Variants in EPHA8 observed in about 807,000 individuals in gnomAD.
EPHA8 encodes ephrin type-A receptor 8.
A neutral mutation model predicts 103.6 loss-of-function variants in EPHA8; 58 were observed. That is an observed-to-expected ratio of 0.56 (90% CI 0.45 to 0.70). The LOEUF (loss-of-function observed/expected upper bound fraction) is 0.70, where lower values mean the gene tolerates loss of function less well. EPHA8 is among the 30% of genes least tolerant of loss of function. EPHA8 has a pLI of 0.00. For synonymous variants in EPHA8, 559 were observed against 572.5 expected, an observed-to-expected ratio of 0.98 and a Z score of 0.34; for missense variants, 1,304 against 1,395.2, an observed-to-expected ratio of 0.93 and a Z score of 1.04.
At position 22,601,855 on chromosome 1, in the gene EPHA8, C is replaced by T. The variant is rs189282518; in HGVS notation, c.*114C>T. The T allele has an allele frequency of 1.1e-3, 1,180 of 1,028,264 alleles. 8 individuals carry two copies. In the African/African-American group the frequency reaches 0.016, roughly 14 times the overall value. The allele number at this position is 1,028,264 out of a possible 1,614,324, so 63.7% of individuals were successfully genotyped here. ...CGGCCCCAGGCCTCTGCCCTCCTCT[C>T]AGGTGCTGGAGGAGCTGAAGGCTTC... On this transcript the variant is annotated 3_prime_UTR_variant, in exon 17 of 17. Coordinates refer to ENST00000166244, the MANE Select transcript of EPHA8 (RefSeq NM_020526.5).
Position 22,576,966 on chromosome 1 carries a change from G to A in EPHA8, c.823+86G>A, listed in dbSNP as rs1640726221. 7.0e-7 allele frequency: 1 copy of A among 1,427,926 alleles called. No individual in the cohort carries two copies. Among genetic ancestry groups the A allele is most frequent in the Non-Finnish European group, 9.3e-7 (1 of 1,076,624 alleles). The allele number at this position is 1,427,926 out of a possible 1,614,324, so 88.5% of individuals were successfully genotyped here. ...TGCCAGGGTGTAAGGGGGGACGTCAGAGCCCACAGGCACCTGAGTGACCCA... is the reference window on the plus strand; with the variant it reads ...TGCCAGGGTGTAAGGGGGGACGTCAAAGCCCACAGGCACCTGAGTGACCCA... On this transcript the variant is annotated intron_variant, in intron 3 of 16. Coordinates refer to ENST00000166244, the MANE Select transcript of EPHA8 (RefSeq NM_020526.5). The surrounding 1 kb of genome is among the most constrained non-coding windows in gnomAD (Gnocchi z 4.8).
chr1:22,576,335 G>C lies in EPHA8; in HGVS notation c.278G>C (p.Gly93Ala). The stretch of plus-strand genomic sequence containing the variant: ...CGCACGAGCTGGGTCCCCCGAGACG[G>C]CGCCCGGCGCGTCTATGCTGAGATC... ...WLRTSWVPRD[G>A]ARRVYAEIKF... is the part of the protein sequence containing the mutation. Residue 93 changes from glycine to alanine, a missense_variant, in exon 3 of 17, where the codon GGC becomes GCC. By Grantham distance (60) the Gly-to-Ala change is moderately conservative. Coordinates refer to ENST00000166244, the MANE Select transcript of EPHA8 (RefSeq NM_020526.5). The surrounding 1 kb of genome is among the most constrained non-coding windows in gnomAD (Gnocchi z 4.8). The C allele has an allele frequency of 6.2e-7, 1 of 1,613,826 alleles. No homozygotes were observed. The highest frequency in any genetic ancestry group is 8.5e-7 in the Non-Finnish European group (1 of 1,180,026).
chr1:22,599,957 G>A (rs569890809), intron 13 of EPHA8, among the ~76,000 whole-genome samples: 5 of 79,346 alleles, frequency 6.3e-5, no homozygotes, highest in African/African-American at 2.7e-4. Context: ...GGGAGGGAGG[G>A]AGGAAGGAAG....
chr1:22,596,432 G>A (rs557018321), intron 9 of EPHA8, among the ~76,000 whole-genome samples: 6 of 152,254 alleles, frequency 3.9e-5, no homozygotes, highest in African/African-American at 9.6e-5. Context: ...ATTTCGGGGT[G>A]GGAGTGCATA....
Position 22,589,023 on chromosome 1 carries a change from G to A in EPHA8, c.1132G>A (p.Ala378Thr). 1.2e-6 allele frequency: 2 copies of A among 1,612,630 alleles called. No homozygotes were observed. The highest frequency in any genetic ancestry group is 1.7e-6 in the Non-Finnish European group (2 of 1,179,414). Residue 378 changes from alanine (A) to threonine (T), a missense_variant, in exon 5 of 17, where the codon GCA becomes ACA. Physicochemically the swap from Ala to Thr is moderately conservative, Grantham distance 58. Transcript: ENST00000166244. This position sits in a 1 kb window ranked among gnomAD's most constrained non-coding sequence, Gnocchi z 4.3. ...RCPWALSRCE[A>T]CGSGTRFVPQ... ...CCCCTGGGCACTGAGCCGCTGCGAG[G>A]CATGTGGGAGCGGCACCCGCTTTGT...
At chr1:22,574,127 C>A (rs11579141) in intron 2 of EPHA8, among the ~76,000 whole-genome samples, 1 of 152,142 alleles carries the variant, frequency 6.6e-6, no homozygotes, top group Admixed American at 6.5e-5. Flanking sequence ...TACAGGCGCC[C>A]GCCACCACGC....
At chr1:22,581,492 C>T (rs892123603) in intron 3 of EPHA8, among the ~76,000 whole-genome samples, 4 of 152,164 alleles carry the variant, frequency 2.6e-5, no homozygotes, top group Non-Finnish European at 5.9e-5. Context: ...TCTCAGGTAA[C>T]GCTGCAGTCT....
chr1:22,585,821 C>T (rs1196059464), intron 3 of EPHA8, among the ~76,000 whole-genome samples: 1 of 152,184 alleles, frequency 6.6e-6, no homozygotes, highest in Non-Finnish European at 1.5e-5. Flanking sequence ...GATAGTCACC[C>T]TCCCATGGGG....
intron 4 of EPHA8, among the ~76,000 whole-genome samples, chr1:22,588,560 G>A (rs904081063): frequency 5.3e-5 from 8 of 151,706 alleles, no homozygotes; most frequent in Admixed American, 3.3e-4. Flanking sequence ...GGGACTGTGC[G>A]GTCTCTCTCC....
At position 22,584,865 on chromosome 1, in the gene EPHA8, T is replaced by C. The variant is rs146223621; in HGVS notation, c.824-1615T>C. Among the ~76,000 whole-genome samples the C allele has an allele frequency of 2.1e-3, 315 of 152,194 alleles. 2 individuals carry two copies. Among genetic ancestry groups the C allele is most frequent in the African/African-American group, 6.8e-3 (284 of 41,520 alleles). On this transcript the variant is annotated intron_variant, in intron 3 of 16. Transcript: ENST00000166244. ...TAGCACTGGACCAGGTTCTGGGACA[T>C]TGAGATGAATAAGGGAGTCGTACTC...
rs148500309 is a variant in EPHA8 at position 22,593,648 on chromosome 1, G to A, written c.1565G>A (p.Arg522His). ...VRARTSAGCG[R>H]FSQAMEVETG... Reference sequence around the variant, plus strand: ...GCCCGCACCTCAGCAGGCTGTGGCCGCTTCAGCCAGGCCATGGAGGTGGAG... The same window carrying A: ...GCCCGCACCTCAGCAGGCTGTGGCCACTTCAGCCAGGCCATGGAGGTGGAG... Residue 522 changes from arginine (R) to histidine (H), a missense_variant, in exon 7 of 17, where the codon CGC (arginine) becomes CAC (histidine). Transcript: ENST00000166244. The A allele has an allele frequency of 1.5e-4, 236 of 1,604,962 alleles. No homozygotes were observed. The highest frequency in any genetic ancestry group is 4.9e-4 in the Middle Eastern group (3 of 6,064).
chr1:22,594,189 G>A (rs1387182715), intron 7 of EPHA8, among the ~76,000 whole-genome samples: 1 of 152,120 alleles, frequency 6.6e-6, no homozygotes, highest in Non-Finnish European at 1.5e-5. Flanking sequence ...GGCTGGTCTT[G>A]AACTCCTGAC....
rs752541859 is a variant in EPHA8 at position 22,598,220 on chromosome 1, TC to T, written c.2178+11del. On this transcript the variant is annotated intron_variant, in intron 12 of 16. Transcript: ENST00000166244. This position sits in a 1 kb window ranked among gnomAD's most constrained non-coding sequence, Gnocchi z 5.1. ...CTGGACACCTTCCTGAGGGTGCGTG[TC>T]CCACCCCTGCCTCTTGCATGGGCTT... The T allele has an allele frequency of 1.2e-6, 2 of 1,612,416 alleles. No homozygotes were observed. Among genetic ancestry groups the T allele is most frequent in the East Asian group, 4.5e-5 (2 of 44,858 alleles).
chr1:22,579,142 CAT>C (rs1640952371), intron 3 of EPHA8, among the ~76,000 whole-genome samples: 1 of 127,506 alleles, frequency 7.8e-6, no homozygotes, highest in Admixed American at 7.8e-5. Flanking sequence ...TGTGTGTGTG[CAT>C]ATGTGCAAGA....
chr1:22,589,668 G>T lies in EPHA8; in HGVS notation c.1315+462G>T, dbSNP rs1641324213. On this transcript the variant is annotated intron_variant, in intron 5 of 16. Transcript: ENST00000166244. This position sits in a 1 kb window ranked among gnomAD's most constrained non-coding sequence, Gnocchi z 4.3. ...AGAACAGCTGCTACAGCTGCCCTTGGGATAGACTTGGCTGCACTGGCTTGG... is the reference window on the plus strand; with the variant it reads ...AGAACAGCTGCTACAGCTGCCCTTGTGATAGACTTGGCTGCACTGGCTTGG... The T allele has an allele frequency of 8.7e-7, 1 of 1,146,722 alleles. No homozygotes were observed. The highest frequency in any genetic ancestry group is 1.1e-6 in the Non-Finnish European group (1 of 934,574). The allele number at this position is 1,146,722 out of a possible 1,614,324, so 71.0% of individuals were successfully genotyped here.
intron 7 of EPHA8, among the ~76,000 whole-genome samples, chr1:22,594,261 C>T (rs113175704): frequency 0.019 from 2,819 of 152,324 alleles, 96 homozygotes; most frequent in African/African-American, 0.065. Context: ...GACCACTGCA[C>T]CCGGCCTCTG....
Position 22,563,647 on chromosome 1 carries a change from CCGGGGCCGCCTG to C in EPHA8, c.14_25del (p.Arg5_Leu8del), listed in dbSNP as rs1343261234. 1 of 146,616 alleles carries C rather than the reference CCGGGGCCGCCTG, an allele frequency of 6.8e-6. No homozygotes were observed. The highest frequency in any genetic ancestry group is 1.5e-5 in the Non-Finnish European group (1 of 65,726). The allele number at this position is 146,616 out of a possible 1,614,324, so 9.1% of individuals were successfully genotyped here. On this transcript the variant is annotated inframe_deletion, in exon 1 of 17. Coordinates refer to ENST00000166244, the MANE Select transcript of EPHA8 (RefSeq NM_020526.5). The surrounding 1 kb of genome is among the most constrained non-coding windows in gnomAD (Gnocchi z 4.4). ...GGCCCGGCCCGGCCATGGCCCCCGC[CCGGGGCCGCCTG>C]CCCCCTGCGCTCTGGGTCGTCACGG...
rs796854353 is a variant in EPHA8 at position 22,577,832 on chromosome 1, G to A, written c.823+952G>A. Among the ~76,000 whole-genome samples the A allele has an allele frequency of 8.1e-4, 110 of 136,490 alleles. 1 individual carries two copies. Among genetic ancestry groups the A allele is most frequent in the Non-Finnish European group, 1.6e-3 (100 of 64,450 alleles). 89.5% of individuals were successfully genotyped at this position (136,490 alleles called of 152,430 possible). A position where few individuals can be genotyped will look rare whatever the true frequency, so the allele number is the denominator to read the frequency against. On this transcript the variant is annotated intron_variant, in intron 3 of 16. Coordinates refer to ENST00000166244, the MANE Select transcript of EPHA8 (RefSeq NM_020526.5). The stretch of plus-strand genomic sequence containing the variant: ...TGTGTGCATGTGTGTGCATGTGTGC[G>A]TGTGTGCATGTATGTGTGCATGCGT...
At chr1:22,581,638 G>A (rs1363251095) in intron 3 of EPHA8, among the ~76,000 whole-genome samples, 1 of 152,186 alleles carries the variant, frequency 6.6e-6, no homozygotes, top group Non-Finnish European at 1.5e-5. Flanking sequence ...GCTGGGAGAG[G>A]CCAAGGCCAC....
Sources: gnomAD v4.1 joint callset for allele counts (sites outside exome capture counted in the v4.1 genomes callset) on GRCh38, gnomAD v4.1.1 for gene constraint, Gnocchi (gnomAD v3.1) non-coding constraint, MANE v1.5 for transcripts, NCBI Gene and HGNC (gene_info 2026-07-23, HGNC 2026-07-21) for gene names.